MRPL42: variants seen among roughly 807,000 people sequenced by gnomAD.
MRPL42 encodes large ribosomal subunit protein mL42.
In MRPL42, 17 loss-of-function variants were observed where a neutral mutation model predicts 17.9. The ratio of observed to expected loss-of-function variants is 0.95; its 90% confidence interval spans 0.65 to 1.42. The LOEUF is 1.42. MRPL42 is among the 40% of genes most tolerant of loss of function. The pLI is 0.00. For synonymous variants in MRPL42, 59 were observed against 54.4 expected, an observed-to-expected ratio of 1.08 and a Z score of -0.37; for missense variants, 177 against 175.2, an observed-to-expected ratio of 1.01 and a Z score of -0.06.
At position 93,509,203 on chromosome 12, in the gene MRPL42, A is replaced by AAC. The variant is rs398020647; in HGVS notation, c.*7982_*7983insAC. 3.0e-4 allele frequency: 46 copies of AAC among 151,194 alleles called. 1 individual carries two copies. In the East Asian group the frequency reaches 8.4e-3, roughly 28 times the overall value. The allele number at this position is 151,194 out of a possible 1,614,324, so 9.4% of individuals were successfully genotyped here. ...ATTCCGTCTCAAAAAAAAAAAAAAA[A>AAC]CTGCCAAAACGCTTTTTGCAAAGTG... On this transcript the variant is annotated 3_prime_UTR_variant, in exon 6 of 6. Coordinates refer to ENST00000549982, the MANE Select transcript of MRPL42 (RefSeq NM_014050.4).
At chr12:93,472,402 C>G (rs73218722) in intron 2 of MRPL42, among the ~76,000 whole-genome samples, 2,174 of 152,118 alleles carry the variant, frequency 0.014, 29 homozygotes, top group Non-Finnish European at 0.019. Context: ...CATAGGAAAC[C>G]TCATTTCTAC....
intron 2 of MRPL42, among the ~76,000 whole-genome samples, chr12:93,473,963 T>C (rs1229398115): frequency 1.3e-5 from 2 of 152,148 alleles, no homozygotes. Flanking sequence ...GACACAGTAA[T>C]GAACAAGGTA....
intron 5 of MRPL42, among the ~76,000 whole-genome samples, chr12:93,489,834 C>T (rs1254558956): frequency 6.6e-6 from 1 of 152,206 alleles, no homozygotes; most frequent in African/African-American, 2.4e-5. Context: ...CTGCTCCCGG[C>T]CTTCCTTCTT....
chr12:93,500,374 A>T (rs1472126416), intron 5 of MRPL42, among the ~76,000 whole-genome samples: 3 of 152,214 alleles, frequency 2.0e-5, no homozygotes, highest in Non-Finnish European at 4.4e-5. Context: ...GTCGGGTCTC[A>T]TACTGCTAAT....
chr12:93,491,893 T>C (rs1953422464), intron 5 of MRPL42, among the ~76,000 whole-genome samples: 1 of 152,240 alleles, frequency 6.6e-6, no homozygotes, highest in Non-Finnish European at 1.5e-5. Context: ...TCTGTGTTAA[T>C]TCGCTTAGGA....
Position 93,469,810 on chromosome 12 carries a change from A to G in MRPL42, c.70+455A>G, listed in dbSNP as rs192741784. Among the ~76,000 whole-genome samples the G allele has an allele frequency of 2.5e-3, 377 of 152,362 alleles. 4 individuals are homozygous for G. Among genetic ancestry groups the G allele is most frequent in the African/African-American group, 8.1e-3 (337 of 41,582 alleles). On this transcript the variant is annotated intron_variant, in intron 2 of 5. Coordinates refer to ENST00000549982, the MANE Select transcript of MRPL42 (RefSeq NM_014050.4). ...TATTTGTATGTTTAAAAGATGATCCATCATATGCATGTGTGCATATGCATA... is the reference window on the plus strand; with the variant it reads ...TATTTGTATGTTTAAAAGATGATCCGTCATATGCATGTGTGCATATGCATA...
chr12:93,482,175 T>C (rs1880497545), intron 4 of MRPL42, among the ~76,000 whole-genome samples: 2 of 152,226 alleles, frequency 1.3e-5, no homozygotes, highest in African/African-American at 4.8e-5. Flanking sequence ...TTGTATTTCC[T>C]GCTTCCGTTG....
At position 93,514,240 on chromosome 12, in the gene MRPL42, C is replaced by T. The variant is rs1953756829; in HGVS notation, c.*13019C>T. The T allele has an allele frequency of 6.6e-6, 1 of 151,758 alleles. No homozygotes were observed. The allele number at this position is 151,758 out of a possible 1,614,324, so 9.4% of individuals were successfully genotyped here. A position where few individuals can be genotyped will look rare whatever the true frequency, so the allele number is the denominator to read the frequency against. On this transcript the variant is annotated 3_prime_UTR_variant, in exon 6 of 6. Coordinates refer to ENST00000549982, the MANE Select transcript of MRPL42 (RefSeq NM_014050.4). ...AGGAGTTCACTACGTTTCCATGGAC[C>T]TAACTCCAATAATGATTGGACAGTT...
At chr12:93,486,387 C>T (rs1006907453) in intron 4 of MRPL42, among the ~76,000 whole-genome samples, 4 of 152,076 alleles carry the variant, frequency 2.6e-5, no homozygotes, top group Non-Finnish European at 5.9e-5. Context: ...CTCTTTCGCC[C>T]AGGCTGGAGT....
intron 4 of MRPL42, among the ~76,000 whole-genome samples, chr12:93,481,343 G>C (rs9308295): frequency 0.71 from 108,142 of 152,094 alleles, 38,760 homozygotes; most frequent in African/African-American, 0.77. Context: ...GTTTTCTCTC[G>C]CATACTCTTT....
intron 5 of MRPL42, among the ~76,000 whole-genome samples, chr12:93,497,229 A>T (rs984420564): frequency 6.6e-6 from 1 of 152,220 alleles, no homozygotes; most frequent in African/African-American, 2.4e-5. Flanking sequence ...AACTCATTCT[A>T]CAAAAACGGC....
chr12:93,499,916 A>C (rs1447264256), intron 5 of MRPL42, among the ~76,000 whole-genome samples: 1 of 152,180 alleles, frequency 6.6e-6, no homozygotes, highest in Non-Finnish European at 1.5e-5. Context: ...ACATTAGCAA[A>C]AGATTGAAAA....
At position 93,484,011 on chromosome 12, in the gene MRPL42, A is replaced by G. The variant is rs1024335986; in HGVS notation, c.220-3486A>G. 8.5e-5 allele frequency among the ~76,000 whole-genome samples: 13 copies of G among 152,202 alleles called. No homozygotes were observed. The East Asian group carries it at 1.4e-3, about 16-fold the overall frequency. Reference sequence around the variant, plus strand: ...AGGATGATCAATATTACTGTCTTCTACCTCCACATTTTGTCCCACTGGAAG... The same window carrying G: ...AGGATGATCAATATTACTGTCTTCTGCCTCCACATTTTGTCCCACTGGAAG... On this transcript the variant is annotated intron_variant, in intron 4 of 5. Transcript: ENST00000549982.
intron 2 of MRPL42, among the ~76,000 whole-genome samples, chr12:93,471,017 T>C (rs1879885174): frequency 6.6e-6 from 1 of 152,212 alleles, no homozygotes; most frequent in African/African-American, 2.4e-5. Context: ...AGTTTGCTTA[T>C]TGAATTAGGG....
At chr12:93,470,757 C>T (rs1370782156) in intron 2 of MRPL42, among the ~76,000 whole-genome samples, 4 of 152,220 alleles carry the variant, frequency 2.6e-5, no homozygotes, top group African/African-American at 9.6e-5. Flanking sequence ...TAATGGCCTC[C>T]AGCTGCATCT....
intron 2 of MRPL42, among the ~76,000 whole-genome samples, chr12:93,470,157 AG>A (rs1271057451): frequency 1.3e-5 from 2 of 152,150 alleles, no homozygotes; most frequent in Non-Finnish European, 2.9e-5. Flanking sequence ...CTATGTACCT[AG>A]CCATTTTTAA....
chr12:93,477,169 C>G, intron 3 of MRPL42, 152 bp downstream of exon 3: 3 of 587,040 alleles, frequency 5.1e-6, no homozygotes, highest in South Asian at 2.4e-5. Context: ...TTTTATTTAC[C>G]CAGTATCTGG....
chr12:93,483,463 G>A (rs1880561851), intron 4 of MRPL42, among the ~76,000 whole-genome samples: 1 of 152,114 alleles, frequency 6.6e-6, no homozygotes, highest in African/African-American at 2.4e-5. Flanking sequence ...GCATATTACT[G>A]TAGTGAATAC....
At chr12:93,490,815 T>C (rs1953398158) in intron 5 of MRPL42, among the ~76,000 whole-genome samples, 1 of 152,260 alleles carries the variant, frequency 6.6e-6, no homozygotes, top group South Asian at 2.1e-4. Context: ...TCATTATGAA[T>C]TTAATAACTG....
Sources: gnomAD v4.1 joint callset for allele counts (sites outside exome capture counted in the v4.1 genomes callset) on GRCh38, gnomAD v4.1.1 for gene constraint, MANE v1.5 for transcripts, NCBI Gene and HGNC (gene_info 2026-07-23, HGNC 2026-07-21) for gene names.